Variants in USP50 observed in about 807,000 individuals in gnomAD.
USP50 encodes the protein ubiquitin carboxyl-terminal hydrolase 50.
In USP50, 37 loss-of-function variants were observed where a neutral mutation model predicts 39.2. That is an observed-to-expected ratio of 0.94 (90% CI 0.73 to 1.24). The LOEUF (loss-of-function observed/expected upper bound fraction) is 1.24, where lower values mean the gene tolerates loss of function less well. USP50 is among the 50% of genes most tolerant of loss of function. USP50 has a pLI of 0.00. For synonymous variants in USP50, 139 were observed against 144.5 expected (o/e 0.96, Z 0.27); for missense variants, 374 against 398.2 (o/e 0.94, Z 0.52).
chr15:50,544,093 C>T (rs1030230072), intron 2 of USP50: 17 of 349,794 alleles, frequency 4.9e-5, no homozygotes, highest in East Asian at 1.1e-4. Flanking sequence ...TTTGGGGGGC[C>T]GAGGTGGTAG....
In USP50 at chr15:50,500,677, G is replaced by T; in HGVS notation, c.*92C>A. ...CTCTTAACGCTTTTGTATTGGTATG[G>T]AAAAGGGCTGGCAGCTATAGAACAG... On this transcript the variant is annotated 3_prime_UTR_variant, in exon 7 of 7. Coordinates refer to ENST00000532404, the MANE Select transcript of USP50 (RefSeq NM_203494.5). The T allele has an allele frequency of 7.8e-7, 1 of 1,286,460 alleles. No homozygotes were observed. Among genetic ancestry groups the T allele is most frequent in the Non-Finnish European group, 1.1e-6 (1 of 909,852 alleles). The allele number at this position is 1,286,460 out of a possible 1,614,324, so 79.7% of individuals were successfully genotyped here.
intron 6 of USP50, chr15:50,509,243 G>C (rs2141349627): frequency 6.6e-6 from 1 of 152,500 alleles, no homozygotes; most frequent in Middle Eastern, 3.4e-3. Flanking sequence ...CTCGAGCCTG[G>C]GAGGCAGAGG....
At position 50,538,734 on chromosome 15, in the gene USP50, T is replaced by C; in HGVS notation, c.778A>G (p.Lys260Glu). The C allele has an allele frequency of 6.2e-7, 1 of 1,603,546 alleles. No homozygotes were observed. Among genetic ancestry groups the C allele is most frequent in the Non-Finnish European group, 8.5e-7 (1 of 1,175,484 alleles). Residue 260 changes from lysine to glutamate, a missense_variant, in exon 5 of 7, where the codon AAA becomes GAA. By Grantham distance (56) the Lys-to-Glu change is moderately conservative (BLOSUM62 1). Coordinates refer to ENST00000532404, the MANE Select transcript of USP50 (RefSeq NM_203494.5). ...AVRASISKAP[K>E]IIIFHLKRFD... ...CTTTTTAGGTGGAAAATAATTATTTTTGGTGCTTTGGAAATACTGGCCCTC... is the reference window on the plus strand; with the variant it reads ...CTTTTTAGGTGGAAAATAATTATTTCTGGTGCTTTGGAAATACTGGCCCTC...
downstream of USP50, chr15:50,497,013 C>G (rs2052441646): frequency 6.6e-7 from 1 of 1,512,720 alleles, no homozygotes; most frequent in Non-Finnish European, 8.8e-7. Flanking sequence ...TGCAGAGTGA[C>G]TAACTAAATA....
chr15:50,540,299 C>G (rs993386313), intron 4 of USP50, among the ~76,000 whole-genome samples: 3 of 152,118 alleles, frequency 2.0e-5, no homozygotes, highest in Admixed American at 2.0e-4. Context: ...ATTCCATTCT[C>G]TCTTTCCAAA....
chr15:50,542,501 T>C, intron 3 of USP50, among the ~76,000 whole-genome samples: 1 of 147,236 alleles, frequency 6.8e-6, no homozygotes, highest in Admixed American at 6.8e-5. Context: ...TTTTTTTTTT[T>C]TCTTGGAGAC....
At chr15:50,522,501 A>G (rs190028233) in intron 6 of USP50, among the ~76,000 whole-genome samples, 1 of 152,304 alleles carries the variant, frequency 6.6e-6, no homozygotes, top group East Asian at 1.9e-4. Flanking sequence ...AAACCCTTCC[A>G]ATAAATTGAA....
rs373448985 is a variant in USP50 at position 50,543,645 on chromosome 15, C to G, written c.397G>C (p.Glu133Gln). The G allele has an allele frequency of 4.3e-6, 7 of 1,613,700 alleles. No homozygotes were observed. The highest frequency in any genetic ancestry group is 5.9e-6 in the Non-Finnish European group (7 of 1,179,788). ...TCATTTAGGACACAAATCAAGAATT[C>G]CTGAGCATCTTGTTGCATCTTTTTC... ...FTKKMQQDAQ[E>Q]FLICVLNELH... Residue 133 changes from glutamate (E) to glutamine (Q), a missense_variant, in exon 3 of 7, where the codon GAA (glutamate) becomes CAA (glutamine). Coordinates refer to ENST00000532404, the MANE Select transcript of USP50 (RefSeq NM_203494.5).
intron 1 of USP50, among the ~76,000 whole-genome samples, chr15:50,494,690 C>T (rs1366520517): frequency 2.0e-5 from 3 of 152,144 alleles, no homozygotes; most frequent in Non-Finnish European, 2.9e-5. Flanking sequence ...GAAAGTGGAA[C>T]ATGCCTTTAT....
At chr15:50,493,830 A>T, downstream of USP50, 3 of 656,364 alleles carry the variant, frequency 4.6e-6, no homozygotes, top group Non-Finnish European at 8.4e-6. Context: ...GCTGTCATGA[A>T]CTGGAGCCTG....
downstream of USP50, chr15:50,493,362 G>A: frequency 1.9e-6 from 1 of 519,906 alleles, no homozygotes; most frequent in Non-Finnish European, 3.8e-6. Flanking sequence ...ATAATTTCAT[G>A]TTGACATCAA....
chr15:50,498,168 A>G (rs1363104119), downstream of USP50: 1 of 155,024 alleles, frequency 6.5e-6, no homozygotes, highest in African/African-American at 2.4e-5. Context: ...TAATGGAATG[A>G]ATGACATTAT....
At chr15:50,536,188 G>A (rs116150616) in intron 5 of USP50, among the ~76,000 whole-genome samples, 2,256 of 152,138 alleles carry the variant, frequency 0.015, 61 homozygotes, top group African/African-American at 0.051. Flanking sequence ...AAATAAAACC[G>A]TCTTTGTCTA....
At chr15:50,528,180 T>C (rs2052914060) in intron 6 of USP50, among the ~76,000 whole-genome samples, 1 of 151,854 alleles carries the variant, frequency 6.6e-6, no homozygotes, top group East Asian at 1.9e-4. Flanking sequence ...GTGCTGGGAT[T>C]ACAGGCGTGA....
chr15:50,541,913 T>C (rs747813074), intron 3 of USP50, among the ~76,000 whole-genome samples: 3 of 152,086 alleles, frequency 2.0e-5, no homozygotes, highest in Non-Finnish European at 4.4e-5. Flanking sequence ...AGAAAACACT[T>C]TTTTAAAAGA....
chr15:50,496,223 TG>T (rs1411327894), downstream of USP50: 1 of 667,166 alleles, frequency 1.5e-6, no homozygotes, highest in Non-Finnish European at 2.5e-6. Flanking sequence ...GCTCATACCT[TG>T]TACTCCCAGC....
chr15:50,542,967 G>T (rs1389675664), intron 3 of USP50, among the ~76,000 whole-genome samples: 1 of 152,050 alleles, frequency 6.6e-6, no homozygotes, highest in Admixed American at 6.6e-5. Context: ...AGAGAATGTG[G>T]GTCTCAGACC....
At chr15:50,500,225 C>T (rs1234023452), downstream of USP50, 1 of 152,238 alleles carries the variant, frequency 6.6e-6, no homozygotes, top group African/African-American at 2.4e-5. Flanking sequence ...GAGACCACTT[C>T]TTGGCTAAAT....
At chr15:50,518,684 T>C (rs1442520576) in intron 6 of USP50, among the ~76,000 whole-genome samples, 1 of 150,106 alleles carries the variant, frequency 6.7e-6, no homozygotes, top group Non-Finnish European at 1.5e-5. Flanking sequence ...GACTTAAACA[T>C]AAGACCTGAA....
Sources: allele counts gnomAD v4.1 joint callset (sites outside exome capture counted in the v4.1 genomes callset), GRCh38; gene constraint gnomAD v4.1.1; transcripts MANE v1.5; gene names NCBI Gene and HGNC (gene_info 2026-07-23, HGNC 2026-07-21).